Variants in DPP10 observed in about 807,000 individuals in gnomAD.
DPP10 encodes inactive dipeptidyl peptidase 10.
A neutral mutation model predicts 120.9 loss-of-function variants in DPP10; 33 were observed. The ratio of observed to expected loss-of-function variants is 0.27; its 90% CI spans 0.21 to 0.37. The LOEUF (loss-of-function observed/expected upper bound fraction) is 0.37. Ranked by LOEUF, DPP10 falls within the 10% of genes least tolerant of loss-of-function variation. The pLI is 1.00. For missense variants in DPP10, 816 were observed against 942.8 expected, an observed-to-expected ratio of 0.87 and a Z score of 1.76; for synonymous variants, 337 against 326.1, an observed-to-expected ratio of 1.03 and a Z score of -0.36.
At position 114,813,704 on chromosome 2, in the gene DPP10, C is replaced by G. The variant is rs565999269; in HGVS notation, c.60+370866C>G. On this transcript the variant is annotated intron_variant, in intron 1 of 25. Coordinates refer to ENST00000410059, the MANE Select transcript of DPP10 (RefSeq NM_020868.6). ...ATTGTCTTTGGCAGAAGCATTATGT[C>G]TATGGAATTAAATTTTTTTTTTTTT... is the stretch of plus-strand genomic sequence containing the variant. Among the ~76,000 whole-genome samples, 7 of 147,192 alleles carry G rather than the reference C, an allele frequency of 4.8e-5. No homozygotes were observed. In the South Asian group the frequency reaches 1.3e-3, roughly 27 times the overall value.
chr2:115,622,572 G>C (rs190790378), intron 5 of DPP10, among the ~76,000 whole-genome samples: 1 of 146,096 alleles, frequency 6.8e-6, no homozygotes, highest in Admixed American at 6.8e-5. Flanking sequence ...ATTCCACCTA[G>C]GAGTACAGTT....
chr2:115,771,686 T>C (rs1284704958), intron 13 of DPP10, among the ~76,000 whole-genome samples: 1 of 152,146 alleles, frequency 6.6e-6, no homozygotes. Flanking sequence ...TACATGATTC[T>C]ACTTAAAGTT....
Position 114,613,931 on chromosome 2 carries a change from A to G in DPP10, c.60+171093A>G, listed in dbSNP as rs1693475605. On this transcript the variant is annotated intron_variant, in intron 1 of 25. Coordinates refer to ENST00000410059, the MANE Select transcript of DPP10 (RefSeq NM_020868.6). ...GGAGTAGAACAATGAGAACACATGG[A>G]CCCAGGAAGGGGAACATCATACACC... is the stretch of plus-strand genomic sequence containing the variant. 3.3e-5 allele frequency among the ~76,000 whole-genome samples: 5 copies of G among 152,052 alleles called. 1 individual carries two copies. In the South Asian group the frequency reaches 1.0e-3, roughly 32 times the overall value.
intron 5 of DPP10, among the ~76,000 whole-genome samples, chr2:115,574,636 G>A (rs541336899): frequency 1.4e-4 from 21 of 152,302 alleles, no homozygotes; most frequent in African/African-American, 4.8e-4. Context: ...TGTCTGTTGA[G>A]TAAATATCTT....
intron 1 of DPP10, among the ~76,000 whole-genome samples, chr2:114,895,800 T>G (rs1411156546): frequency 6.6e-6 from 1 of 152,206 alleles, no homozygotes; most frequent in Admixed American, 6.5e-5. Context: ...TCACGTTTAC[T>G]AACTATGTAA....
At chr2:115,353,010 CAA>C (rs71394130) in intron 3 of DPP10, among the ~76,000 whole-genome samples, 4 of 146,680 alleles carry the variant, frequency 2.7e-5, no homozygotes, top group Middle Eastern at 3.5e-3. Flanking sequence ...CTGACATGTT[CAA>C]AAAAAAAATA....
chr2:115,357,077 G>T (rs1037409586), intron 3 of DPP10, among the ~76,000 whole-genome samples: 2 of 151,994 alleles, frequency 1.3e-5, no homozygotes, highest in African/African-American at 4.8e-5. Context: ...ATGTTCATGT[G>T]TACTCAATAT....
chr2:114,549,824 T>A (rs1687738822), intron 1 of DPP10, among the ~76,000 whole-genome samples: 1 of 152,000 alleles, frequency 6.6e-6, no homozygotes, highest in African/African-American at 2.4e-5. Context: ...CCCCAAAGGC[T>A]CTGAGAGCTG....
intron 1 of DPP10, among the ~76,000 whole-genome samples, chr2:114,790,170 A>G (rs1683118425): frequency 6.6e-6 from 1 of 152,258 alleles, no homozygotes; most frequent in Admixed American, 6.5e-5. Flanking sequence ...AAAGCTCAGC[A>G]ACAGAATATC....
intron 17 of DPP10, among the ~76,000 whole-genome samples, chr2:115,784,717 G>A (rs1236580128): frequency 6.6e-6 from 1 of 152,026 alleles, no homozygotes; most frequent in African/African-American, 2.4e-5. Flanking sequence ...ATTTTTAGTA[G>A]AGACGGGGTT....
intron 1 of DPP10, among the ~76,000 whole-genome samples, chr2:115,175,840 A>G (rs536020935): frequency 7.9e-5 from 12 of 152,264 alleles, no homozygotes; most frequent in Admixed American, 2.0e-4. Context: ...AAGTAGCTGT[A>G]TGTGGCTAGG....
At chr2:115,010,531 GAT>G (rs939312288) in intron 1 of DPP10, among the ~76,000 whole-genome samples, 1 of 151,942 alleles carries the variant, frequency 6.6e-6, no homozygotes, top group African/African-American at 2.4e-5. Flanking sequence ...GTCAAATTGA[GAT>G]ATATATATGT....
chr2:114,590,223 A>G (rs1691345454), intron 1 of DPP10, among the ~76,000 whole-genome samples: 1 of 152,134 alleles, frequency 6.6e-6, no homozygotes, highest in South Asian at 2.1e-4. Flanking sequence ...GCTTTCATCA[A>G]TTTTACTGAA....
intron 19 of DPP10, among the ~76,000 whole-genome samples, chr2:115,801,492 G>C (rs1197376094): frequency 6.6e-6 from 1 of 152,126 alleles, no homozygotes; most frequent in African/African-American, 2.4e-5. Flanking sequence ...AGTGGTGAGA[G>C]AACATACCTG....
intron 1 of DPP10, among the ~76,000 whole-genome samples, chr2:115,203,534 A>G (rs900497662): frequency 4.6e-5 from 7 of 152,158 alleles, no homozygotes; most frequent in South Asian, 4.1e-4. Context: ...ATCAGAACTA[A>G]GGGTGATATG....
chr2:115,813,516 C>T lies in DPP10; in HGVS notation c.1701-1277C>T, dbSNP rs139035238. On this transcript the variant is annotated intron_variant, in intron 19 of 25. Coordinates refer to ENST00000410059, the MANE Select transcript of DPP10 (RefSeq NM_020868.6). ...TTAACTTAGTTACCTTTTTAAAGGA[C>T]CTATCTCCAAATATAGTCACAATCT... Among the ~76,000 whole-genome samples the T allele has an allele frequency of 5.3e-3, 809 of 152,248 alleles. 11 individuals are homozygous for T. The highest frequency in any genetic ancestry group is 0.019 in the African/African-American group (779 of 41,548).
intron 5 of DPP10, among the ~76,000 whole-genome samples, chr2:115,542,748 C>G (rs75901280): frequency 0.017 from 2,570 of 151,360 alleles, 84 homozygotes; most frequent in African/African-American, 0.058. Context: ...CCTGTAGACT[C>G]TACAGTTTGT....
At chr2:115,292,701 G>A (rs1417873999) in intron 1 of DPP10, among the ~76,000 whole-genome samples, 1 of 152,050 alleles carries the variant, frequency 6.6e-6, no homozygotes, top group Non-Finnish European at 1.5e-5. Context: ...TATTATTGTT[G>A]TTGTTATTGA....
chr2:115,832,206 C>G (rs1198027732), intron 21 of DPP10, among the ~76,000 whole-genome samples: 1 of 152,164 alleles, frequency 6.6e-6, no homozygotes, highest in Non-Finnish European at 1.5e-5. Context: ...AACTTATTTT[C>G]ATCTGGGGCT....
Sources: allele counts gnomAD v4.1 joint callset (sites outside exome capture counted in the v4.1 genomes callset), GRCh38; gene constraint gnomAD v4.1.1; transcripts MANE v1.5; gene names NCBI Gene and HGNC (gene_info 2026-07-23, HGNC 2026-07-21).